Variants in IQCH observed in about 807,000 individuals in gnomAD.
IQCH encodes IQ motif containing H.
In IQCH, 98 loss-of-function variants were observed where a neutral mutation model predicts 117.0. That is an observed-to-expected ratio of 0.84 (90% CI 0.71 to 0.99). The LOEUF is 0.99. Among genes scored for constraint, IQCH ranks in the 50% least tolerant of loss-of-function variants. IQCH has a pLI of 0.00. For synonymous variants in IQCH, 412 were observed against 448.2 expected, an observed-to-expected ratio of 0.92 and a Z score of 1.02; for missense variants, 1,102 against 1,243.8, an observed-to-expected ratio of 0.89 and a Z score of 1.72.
intron 4 of IQCH, among the ~76,000 whole-genome samples, chr15:67,293,407 CT>C (rs2140508328): frequency 6.6e-6 from 1 of 152,208 alleles, no homozygotes; most frequent in South Asian, 2.1e-4. Flanking sequence ...GCTCAAAACC[CT>C]GATATAAAAT....
chr15:67,497,498 T>C (rs1309912944), intron 20 of IQCH, among the ~76,000 whole-genome samples: 1 of 152,054 alleles, frequency 6.6e-6, no homozygotes, highest in African/African-American at 2.4e-5. Flanking sequence ...AAGAATAATT[T>C]TTTTTTCTTT....
At chr15:67,492,093 C>A (rs987551244) in intron 19 of IQCH, among the ~76,000 whole-genome samples, 2 of 152,062 alleles carry the variant, frequency 1.3e-5, no homozygotes, top group African/African-American at 4.8e-5. Flanking sequence ...ACATAGGCCA[C>A]CGGGAATTAC....
At position 67,436,876 on chromosome 15, in the gene IQCH, C is replaced by T. The variant is rs1437970495; in HGVS notation, c.2505+15299C>T. 6.6e-6 allele frequency among the ~76,000 whole-genome samples: 1 copy of T among 152,078 alleles called. No individual in the cohort carries two copies. Among genetic ancestry groups the T allele is most frequent in the Non-Finnish European group, 1.5e-5 (1 of 68,006 alleles). Reference sequence around the variant, plus strand: ...GTGACCTGGGAACCTCACCCTCATCCCCCACAACAGCTGCAGCAAGATCTG... The same window carrying T: ...GTGACCTGGGAACCTCACCCTCATCTCCCACAACAGCTGCAGCAAGATCTG... On this transcript the variant is annotated intron_variant, in intron 16 of 20. Coordinates refer to ENST00000335894, the MANE Select transcript of IQCH (RefSeq NM_001031715.3). The surrounding 1 kb of genome is among the most constrained non-coding windows in gnomAD (Gnocchi z 5.1).
chr15:67,372,055 T>G, intron 8 of IQCH, 56 bp from the exon 9 acceptor site: 1 of 1,438,810 alleles, frequency 7.0e-7, no homozygotes, highest in South Asian at 1.4e-5. Flanking sequence ...TGACCACTCA[T>G]TTAAAGGAGA....
At position 67,427,435 on chromosome 15, in the gene IQCH, T is replaced by C. The variant is rs989056770; in HGVS notation, c.2505+5858T>C. 1.3e-5 allele frequency among the ~76,000 whole-genome samples: 2 copies of C among 151,772 alleles called. No homozygotes were observed. Among genetic ancestry groups the C allele is most frequent in the Non-Finnish European group, 2.9e-5 (2 of 67,912 alleles). On this transcript the variant is annotated intron_variant, in intron 16 of 20. Coordinates refer to ENST00000335894, the MANE Select transcript of IQCH (RefSeq NM_001031715.3). This position sits in a 1 kb window ranked among gnomAD's most constrained non-coding sequence, Gnocchi z 4.7. The stretch of plus-strand genomic sequence containing the variant: ...CTCACTATGTTGCCCAGGCTGGTTT[T>C]GAACTCCTGGCCTTGAGCCATCCTC...
chr15:67,295,533 AG>A (rs1391101844), intron 4 of IQCH, among the ~76,000 whole-genome samples: 1 of 152,182 alleles, frequency 6.6e-6, no homozygotes, highest in Admixed American at 6.6e-5. Context: ...TAGACCAGGA[AG>A]GGTAGGTCCA....
At chr15:67,292,056 G>A (rs1473690400) in intron 4 of IQCH, among the ~76,000 whole-genome samples, 6 of 152,008 alleles carry the variant, frequency 3.9e-5, no homozygotes, top group Admixed American at 3.9e-4. Flanking sequence ...CCCTCATGAG[G>A]GGGATTAGTG....
rs556433550 is a variant in IQCH at position 67,342,773 on chromosome 15, A to G, written c.509-1290A>G. Among the ~76,000 whole-genome samples the G allele has an allele frequency of 1.3e-4, 20 of 152,278 alleles. No individual in the cohort carries two copies. Among genetic ancestry groups the G allele is most frequent in the African/African-American group, 4.8e-4 (20 of 41,560 alleles). On this transcript the variant is annotated intron_variant, in intron 5 of 20. Coordinates refer to ENST00000335894, the MANE Select transcript of IQCH (RefSeq NM_001031715.3). The surrounding 1 kb of genome is among the most constrained non-coding windows in gnomAD (Gnocchi z 4.7). ...GTAATTCTTAAGTGTTAAGAGTACA[A>G]AAGATTAACCTGGAGTGCTTATTTA...
At chr15:67,259,262 A>G (rs1184552013) in intron 1 of IQCH, among the ~76,000 whole-genome samples, 1 of 152,170 alleles carries the variant, frequency 6.6e-6, no homozygotes, top group Admixed American at 6.5e-5. Context: ...AGGCTACATA[A>G]CTTTCCCAAG....
In IQCH at chr15:67,433,094, T is replaced by C. The variant is rs1206875919; in HGVS notation, c.2505+11517T>C. 1.3e-5 allele frequency among the ~76,000 whole-genome samples: 2 copies of C among 152,214 alleles called. No homozygotes were observed. The highest frequency in any genetic ancestry group is 6.5e-5 in the Admixed American group (1 of 15,282). On this transcript the variant is annotated intron_variant, in intron 16 of 20. Coordinates refer to ENST00000335894, the MANE Select transcript of IQCH (RefSeq NM_001031715.3). This position sits in a 1 kb window ranked among gnomAD's most constrained non-coding sequence, Gnocchi z 5.4. The stretch of plus-strand genomic sequence containing the variant: ...TATTATTCAGTGTTTTAAAGTGCTA[T>C]AGTGGGCAGATTGTTAATCACAAGT...
chr15:67,492,822 G>C (rs577690412), intron 19 of IQCH, among the ~76,000 whole-genome samples: 5 of 152,270 alleles, frequency 3.3e-5, no homozygotes, highest in African/African-American at 1.2e-4. Context: ...CCAGGCAAGA[G>C]GAAAACCATC....
intron 4 of IQCH, among the ~76,000 whole-genome samples, chr15:67,307,680 A>T (rs553382238): frequency 1.3e-5 from 2 of 152,294 alleles, no homozygotes; most frequent in South Asian, 4.1e-4. Context: ...AGCTTGTTGC[A>T]TTTATAAACC....
intron 5 of IQCH, among the ~76,000 whole-genome samples, chr15:67,341,766 G>C (rs769073845): frequency 1.8e-4 from 27 of 152,036 alleles, no homozygotes; most frequent in Non-Finnish European, 3.5e-4. Context: ...AAATTCAAAG[G>C]ACAATCCAAA....
In IQCH at chr15:67,417,763, A is replaced by C. The variant is rs1206925115; in HGVS notation, c.2218+712A>C. On this transcript the variant is annotated intron_variant, in intron 15 of 20. Coordinates refer to ENST00000335894, the MANE Select transcript of IQCH (RefSeq NM_001031715.3). The surrounding 1 kb of genome is among the most constrained non-coding windows in gnomAD (Gnocchi z 4.3). ...GAGGCACACCTATGCAACGGCCCTC[A>C]GTCTCTAGGAGGTTACAGTGCAAGA... Among the ~76,000 whole-genome samples the C allele has an allele frequency of 1.3e-5, 2 of 152,148 alleles. No individual in the cohort carries two copies. Among genetic ancestry groups the C allele is most frequent in the Non-Finnish European group, 2.9e-5 (2 of 68,032 alleles).
At position 67,417,173 on chromosome 15, in the gene IQCH, C is replaced by G. The variant is rs540125145; in HGVS notation, c.2218+122C>G. On this transcript the variant is annotated intron_variant, in intron 15 of 20. Coordinates refer to ENST00000335894, the MANE Select transcript of IQCH (RefSeq NM_001031715.3). This position sits in a 1 kb window ranked among gnomAD's most constrained non-coding sequence, Gnocchi z 4.3. ...CCTGTGTTGGTTTAGAAAAGTGCTC[C>G]TACGGTTTTCTTTTTCAAATGTTGC... 5.1e-4 allele frequency: 376 copies of G among 740,380 alleles called. No individual in the cohort carries two copies. Among genetic ancestry groups the G allele is most frequent in the Non-Finnish European group, 6.9e-4 (347 of 500,740 alleles). 45.9% of individuals were successfully genotyped at this position (740,380 alleles called of 1,614,324 possible). A position where few individuals can be genotyped will look rare whatever the true frequency, so the allele number is the denominator to read the frequency against.
At chr15:67,438,838 T>C (rs1005542389) in intron 16 of IQCH, among the ~76,000 whole-genome samples, 1 of 152,236 alleles carries the variant, frequency 6.6e-6, no homozygotes, top group African/African-American at 2.4e-5. Context: ...TAAAGGACCT[T>C]GTCCAACAGG....
In IQCH at chr15:67,413,633, A is replaced by G. The variant is rs1242682889; in HGVS notation, c.2098-3298A>G. 1.3e-5 allele frequency: 2 copies of G among 152,174 alleles called. No homozygotes were observed. The highest frequency in any genetic ancestry group is 2.9e-5 in the Non-Finnish European group (2 of 68,034). The allele number at this position is 152,174 out of a possible 1,614,324, so 9.4% of individuals were successfully genotyped here. ...TTTTCCCATCAGACACTTTCAAAATAAAGAAATAAATTAAACAGTTAATAC... is the reference window on the plus strand; with the variant it reads ...TTTTCCCATCAGACACTTTCAAAATGAAGAAATAAATTAAACAGTTAATAC... On this transcript the variant is annotated intron_variant, in intron 14 of 20. Transcript: ENST00000335894. This position sits in a 1 kb window ranked among gnomAD's most constrained non-coding sequence, Gnocchi z 5.0.
At chr15:67,310,921 A>G (rs1358462985) in intron 4 of IQCH, among the ~76,000 whole-genome samples, 2 of 152,156 alleles carry the variant, frequency 1.3e-5, no homozygotes, top group Non-Finnish European at 2.9e-5. Flanking sequence ...AACATCCTAA[A>G]ATGTTACATG....
Position 67,404,654 on chromosome 15 carries a change from T to C in IQCH, c.2097+4349T>C, listed in dbSNP as rs529252854. 1.3e-5 allele frequency: 2 copies of C among 152,326 alleles called. No individual in the cohort carries two copies. Among genetic ancestry groups the C allele is most frequent in the South Asian group, 4.1e-4 (2 of 4,826 alleles). 9.4% of individuals were successfully genotyped at this position (152,326 alleles called of 1,614,324 possible). ...GTGTATATGCTAGTTAAACATCAGA[T>C]CTTAAATATTTTCCATGTTTATACA... On this transcript the variant is annotated intron_variant, in intron 14 of 20. Coordinates refer to ENST00000335894, the MANE Select transcript of IQCH (RefSeq NM_001031715.3). The surrounding 1 kb of genome is among the most constrained non-coding windows in gnomAD (Gnocchi z 4.6).
Sources: allele counts gnomAD v4.1 joint callset (sites outside exome capture counted in the v4.1 genomes callset), GRCh38; gene constraint gnomAD v4.1.1; non-coding constraint Gnocchi (gnomAD v3.1); transcripts MANE v1.5; gene names NCBI Gene and HGNC (gene_info 2026-07-23, HGNC 2026-07-21).